GIGYF2: variants seen among roughly 807,000 people sequenced by gnomAD.
The protein encoded by GIGYF2 is GRB10 interacting GYF protein 2, also known as GRB10-interacting GYF protein 2.
A neutral mutation model predicts 208.1 loss-of-function variants in GIGYF2; 25 were observed. The ratio of observed to expected loss-of-function variants is 0.12; its 90% confidence interval spans 0.09 to 0.17. GIGYF2 has a LOEUF of 0.17. GIGYF2 is among the 10% of genes least tolerant of loss of function. The probability of loss-of-function intolerance (pLI) is 1.00; values close to 1 mark genes in which losing one functional copy is unlikely to be tolerated. For synonymous variants in GIGYF2, 534 were observed against 543.8 expected (o/e 0.98, Z 0.25); for missense variants, 1,302 against 1,579.4 (o/e 0.82, Z 2.98).
intron 15 of GIGYF2, among the ~76,000 whole-genome samples, chr2:232,808,688 T>C (rs2106382150): frequency 6.6e-6 from 1 of 152,286 alleles, no homozygotes; most frequent in East Asian, 1.9e-4. Context: ...AAACTCATGA[T>C]TTACCTATTT....
At chr2:232,733,562 A>AAT (rs1398436232) in intron 2 of GIGYF2, among the ~76,000 whole-genome samples, 12 of 152,182 alleles carry the variant, frequency 7.9e-5, no homozygotes, top group Admixed American at 5.9e-4. Flanking sequence ...AAAGGGAGAG[A>AAT]ATCCTTAACT....
intron 12 of GIGYF2, 83 bp downstream of exon 12, chr2:232,791,529 C>T: frequency 1.8e-6 from 2 of 1,132,582 alleles, no homozygotes; most frequent in Non-Finnish European, 2.6e-6. Context: ...TCTGCTTATG[C>T]CTCCTAGAAC....
At chr2:232,747,351 A>G (rs1285877751) in intron 3 of GIGYF2, among the ~76,000 whole-genome samples, 1 of 152,020 alleles carries the variant, frequency 6.6e-6, no homozygotes, top group Non-Finnish European at 1.5e-5. Context: ...TCCCTTTTTC[A>G]TTCTCTAAGC....
intron 5 of GIGYF2, 61 bp from the exon 6 acceptor site, chr2:232,756,162 T>A: frequency 1.0e-6 from 1 of 974,304 alleles, no homozygotes; most frequent in Non-Finnish European, 1.6e-6. Flanking sequence ...TTTATCTGTT[T>A]CATCCATTTT....
intron 3 of GIGYF2, among the ~76,000 whole-genome samples, chr2:232,742,801 A>T (rs1490288968): frequency 1.3e-5 from 2 of 152,148 alleles, no homozygotes; most frequent in East Asian, 3.8e-4. Context: ...GGCTGATTAG[A>T]TTGGGATGTC....
intron 2 of GIGYF2, among the ~76,000 whole-genome samples, chr2:232,707,402 C>G (rs535231698): frequency 1.0e-3 from 157 of 152,230 alleles, no homozygotes; most frequent in African/African-American, 3.5e-3. Flanking sequence ...AAGGAATTGT[C>G]TTGGTACTTT....
intron 21 of GIGYF2, among the ~76,000 whole-genome samples, chr2:232,822,705 G>A (rs1701129899): frequency 6.6e-6 from 1 of 152,166 alleles, no homozygotes; most frequent in African/African-American, 2.4e-5. Context: ...TTATTTTCCA[G>A]TTCTATGGAA....
chr2:232,787,587 GAAATGAGGGTTT>G (rs1699954407), intron 9 of GIGYF2, among the ~76,000 whole-genome samples: 1 of 152,162 alleles, frequency 6.6e-6, no homozygotes, highest in South Asian at 2.1e-4. Context: ...CTCAACTGCA[GAAATGAGGGTTT>G]CATTCAGTTT....
At chr2:232,836,022 A>G (rs979860683) in intron 22 of GIGYF2, among the ~76,000 whole-genome samples, 2 of 151,786 alleles carry the variant, frequency 1.3e-5, no homozygotes, top group African/African-American at 2.4e-5. Context: ...GTTGGAACAG[A>G]AAACAGATGC....
intron 2 of GIGYF2, chr2:232,730,248 G>T: frequency 1.1e-6 from 1 of 886,702 alleles, no homozygotes; most frequent in Non-Finnish European, 1.8e-6. Flanking sequence ...AGCTCAAGTT[G>T]TGGGCACCCT....
At chr2:232,850,493 T>C in intron 28 of GIGYF2, 84 bp downstream of exon 28, 1 of 1,252,814 alleles carries the variant, frequency 8.0e-7, no homozygotes, top group Non-Finnish European at 1.2e-6. Context: ...TTGAGCATTG[T>C]TTTTCAAGAA....
At chr2:232,767,509 T>C (rs536014520) in intron 8 of GIGYF2, 2 of 152,814 alleles carry the variant, frequency 1.3e-5, no homozygotes, top group South Asian at 4.1e-4. Flanking sequence ...ACAGGTTCCA[T>C]TTGGGCTGGA....
intron 14 of GIGYF2, among the ~76,000 whole-genome samples, chr2:232,801,499 C>T (rs796983509): frequency 1.3e-5 from 2 of 152,210 alleles, no homozygotes; most frequent in South Asian, 2.1e-4. Flanking sequence ...GTAACAGAGA[C>T]CCTGTCTTAA....
At chr2:232,830,468 A>G (rs1701396226) in intron 21 of GIGYF2, among the ~76,000 whole-genome samples, 2 of 152,140 alleles carry the variant, frequency 1.3e-5, no homozygotes, top group South Asian at 4.1e-4. Context: ...TTTTCAGAAC[A>G]GTGTTAGATT....
At chr2:232,828,267 A>C (rs925869521) in intron 21 of GIGYF2, among the ~76,000 whole-genome samples, 1 of 152,192 alleles carries the variant, frequency 6.6e-6, no homozygotes, top group Non-Finnish European at 1.5e-5. Flanking sequence ...GATTACAGGC[A>C]TGAGCCATGG....
At chr2:232,803,121 C>G (rs1175690909) in intron 14 of GIGYF2, among the ~76,000 whole-genome samples, 6 of 152,198 alleles carry the variant, frequency 3.9e-5, no homozygotes, top group Admixed American at 2.6e-4. Context: ...GAACTCCTGA[C>G]CTCAGATAAT....
chr2:232,772,612 G>A (rs1234798494), intron 8 of GIGYF2, among the ~76,000 whole-genome samples: 1 of 152,190 alleles, frequency 6.6e-6, no homozygotes, highest in Non-Finnish European at 1.5e-5. Context: ...CCTTGCGTAT[G>A]ACAAAGGTGT....
rs539085639 is a variant in GIGYF2, at chr2:232,734,807, A to G, written c.-43-348A>G. 1.6e-4 allele frequency among the ~76,000 whole-genome samples: 24 copies of G among 152,206 alleles called. No individual in the cohort carries two copies. In the South Asian group the frequency reaches 1.9e-3, roughly 12 times the overall value. On this transcript the variant is annotated intron_variant, in intron 2 of 28. Coordinates refer to ENST00000373563, the MANE Select transcript of GIGYF2 (RefSeq NM_001103146.3). ...GTAATATGAACTAAAATGTAAATCT[A>G]TTACCTTTCATTCACTCCCCATTGT... is the stretch of plus-strand genomic sequence containing the variant.
intron 2 of GIGYF2, chr2:232,734,583 G>A (rs1406807691): frequency 6.6e-6 from 1 of 152,468 alleles, no homozygotes; most frequent in Admixed American, 6.5e-5. Context: ...GATCACTTGA[G>A]GTCAGGCCAA....
Sources: allele counts gnomAD v4.1 joint callset (sites outside exome capture counted in the v4.1 genomes callset), GRCh38; gene constraint gnomAD v4.1.1; transcripts MANE v1.5; gene names NCBI Gene and HGNC (gene_info 2026-07-23, HGNC 2026-07-21).